The following HDDC2 variants were observed in gnomAD, a reference collection of about 807,000 sequenced individuals.
HDDC2 encodes the protein 5'-deoxynucleotidase HDDC2.
A neutral mutation model predicts 25.5 loss-of-function variants in HDDC2; 25 were observed. The observed-to-expected ratio is 0.98, with a 90% CI of 0.72 to 1.37. The LOEUF is 1.37. HDDC2 is among the 40% of genes most tolerant of loss of function. The pLI is 0.00. For synonymous variants in HDDC2, 106 were observed against 89.7 expected, an observed-to-expected ratio of 1.18 and a Z score of -1.03; for missense variants, 264 against 253.1, an observed-to-expected ratio of 1.04 and a Z score of -0.29.
At chr6:125,284,508 T>G (rs1302005071) in intron 4 of HDDC2, among the ~76,000 whole-genome samples, 1 of 152,108 alleles carries the variant, frequency 6.6e-6, no homozygotes, top group Non-Finnish European at 1.5e-5. Flanking sequence ...GCAAAGGATA[T>G]GAACAGACAC....
chr6:125,301,950 C>G lies in HDDC2; in HGVS notation c.-18G>C. On this transcript the variant is annotated 5_prime_UTR_variant, in exon 1 of 6. Coordinates refer to ENST00000398153, the MANE Select transcript of HDDC2 (RefSeq NM_016063.3). ...GAAGCCATGCGGCCACCGACCCCGG[C>G]TGGGCGGAGCAGGCCGCGGCGAAGC... The G allele has an allele frequency of 6.5e-7, 1 of 1,543,392 alleles. No homozygotes were observed. Among genetic ancestry groups the G allele is most frequent in the Non-Finnish European group, 8.7e-7 (1 of 1,145,940 alleles).
chr6:125,283,980 G>A (rs1271874087), intron 4 of HDDC2, among the ~76,000 whole-genome samples: 1 of 152,010 alleles, frequency 6.6e-6, no homozygotes, highest in Non-Finnish European at 1.5e-5. Context: ...ATAGACCAAT[G>A]GAAGAGAACA....
chr6:125,290,256 T>C (rs9482639), intron 4 of HDDC2, among the ~76,000 whole-genome samples: 32,838 of 152,090 alleles, frequency 0.22, 4,302 homozygotes, highest in African/African-American at 0.37. Context: ...CATTGCTTTA[T>C]GTATATTAAT....
rs377395853 is a variant in HDDC2, at chr6:125,292,916, T to C, written c.310-7A>G. ...TTATCTGCTTCATAGCTTCCTGAAATATTAAACCATTATCTTTAATTATAT... is the reference window on the plus strand; with the variant it reads ...TTATCTGCTTCATAGCTTCCTGAAACATTAAACCATTATCTTTAATTATAT... On this transcript the variant is annotated splice_region_variant and splice_polypyrimidine_tract_variant and intron_variant, in intron 3 of 5. Transcript: ENST00000398153. 18 of 1,599,162 alleles carry C rather than the reference T, an allele frequency of 1.1e-5. No homozygotes were observed. In the African/African-American group the frequency reaches 1.7e-4, roughly 15 times the overall value.
At position 125,300,610 on chromosome 6, in the gene HDDC2, C is replaced by T. The variant is rs748982604; in HGVS notation, c.134G>A (p.Ser45Asn). Residue 45 changes from serine to asparagine, a missense_variant, in exon 2 of 6, where the codon AGC becomes AAC. Transcript: ENST00000398153. ...CATCCGGTACATGTGATCTGAAACG[C>T]TCTCCGGCCTCTGGACATTTCTGTA... ...WVYRNVQRPE[S>N]VSDHMYRMAV... 6.2e-7 allele frequency: 1 copy of T among 1,614,192 alleles called. No individual in the cohort carries two copies. Among genetic ancestry groups the T allele is most frequent in the South Asian group, 1.1e-5 (1 of 91,082 alleles).
intron 4 of HDDC2, among the ~76,000 whole-genome samples, chr6:125,284,743 G>C (rs1025186557): frequency 6.6e-6 from 1 of 152,184 alleles, no homozygotes; most frequent in Non-Finnish European, 1.5e-5. Context: ...AACCACTGTG[G>C]AAGACAATGT....
In HDDC2 at chr6:125,276,003, T is replaced by C; in HGVS notation, c.*143A>G. ...GGCTTCTTTTAGTGCCCAAGTTGTA[T>C]CACATTTCTTGCTGAAGTTCAGACA... On this transcript the variant is annotated 3_prime_UTR_variant, in exon 6 of 6. Coordinates refer to ENST00000398153, the MANE Select transcript of HDDC2 (RefSeq NM_016063.3). The C allele has an allele frequency of 1.5e-6, 1 of 656,252 alleles. No individual in the cohort carries two copies. The highest frequency in any genetic ancestry group is 2.7e-6 in the Non-Finnish European group (1 of 373,900). The allele number at this position is 656,252 out of a possible 1,614,324, so 40.7% of individuals were successfully genotyped here.
At chr6:125,301,756 C>T (rs1175599699) in intron 1 of HDDC2, 93 bp downstream of exon 1, 9 of 936,490 alleles carry the variant, frequency 9.6e-6, no homozygotes, top group South Asian at 8.0e-5. Flanking sequence ...GCAGGAAGGG[C>T]AAAGACCGCC....
rs568403610 is a variant in HDDC2, at chr6:125,277,526, T to C, written c.379-286A>G. On this transcript the variant is annotated intron_variant, in intron 4 of 5. Transcript: ENST00000398153. ...GTACTTTCAAGATCTTTTCTTCCTG[T>C]TTAATACCGTGTCTTCATTTTAAGA... The C allele has an allele frequency of 1.3e-5, 4 of 316,048 alleles. No individual in the cohort carries two copies. In the East Asian group the frequency reaches 2.2e-4, roughly 17 times the overall value. 19.6% of individuals were successfully genotyped at this position (316,048 alleles called of 1,614,324 possible).
intron 4 of HDDC2, among the ~76,000 whole-genome samples, chr6:125,284,890 T>C (rs564478502): frequency 2.6e-5 from 4 of 152,230 alleles, no homozygotes; most frequent in East Asian, 3.9e-4. Flanking sequence ...CACTATTCAC[T>C]ATAGCAAAGA....
intron 3 of HDDC2, 136 bp downstream of exon 3, chr6:125,298,578 C>G (rs895005535): frequency 3.0e-6 from 2 of 663,070 alleles, no homozygotes; most frequent in Admixed American, 2.4e-5. Context: ...CTTCCCCTGA[C>G]CTTCCCCTTC....
At position 125,276,219 on chromosome 6, in the gene HDDC2, A is replaced by G. The variant is rs372330390; in HGVS notation, c.542T>C (p.Val181Ala). Residue 181 changes from valine (V) to alanine (A), a missense_variant, in exon 6 of 6, where the codon GTC becomes GCC. Physicochemically the swap from Val to Ala is moderately conservative, Grantham distance 64 (BLOSUM62 0). Coordinates refer to ENST00000398153, the MANE Select transcript of HDDC2 (RefSeq NM_016063.3). ...TAGKFNHPEI[V>A]QLVSELEAER... ...TGCCTCAAGTTCAGAAACAAGCTGG[A>G]CTATCTCAGGGTGATTGAATTTTCC... 3.5e-5 allele frequency: 56 copies of G among 1,614,012 alleles called. No individual in the cohort carries two copies. The highest frequency in any genetic ancestry group is 4.5e-5 in the Non-Finnish European group (53 of 1,179,960).
rs570805133 is a variant in HDDC2 at position 125,283,329 on chromosome 6, G to A, written c.379-6089C>T. Among the ~76,000 whole-genome samples the A allele has an allele frequency of 3.9e-5, 6 of 152,296 alleles. No individual in the cohort carries two copies. In the South Asian group the frequency reaches 1.2e-3, roughly 32 times the overall value. On this transcript the variant is annotated intron_variant, in intron 4 of 5. Transcript: ENST00000398153. ...AGTTCTGGCCAGGGCAATCAGGCAA[G>A]AGAAAGAAATAAAGAGTATTCAAAT...
chr6:125,285,186 G>A (rs987406596), intron 4 of HDDC2, among the ~76,000 whole-genome samples: 7 of 151,526 alleles, frequency 4.6e-5, no homozygotes, highest in African/African-American at 1.7e-4. Flanking sequence ...CAAGGGGAGG[G>A]ATAGCATTAG....
Position 125,298,823 on chromosome 6 carries a change from A to G in HDDC2, c.207-7T>C. 1 of 1,601,922 alleles carries G rather than the reference A, an allele frequency of 6.2e-7. No individual in the cohort carries two copies. The highest frequency in any genetic ancestry group is 8.6e-7 in the Non-Finnish European group (1 of 1,169,138). On this transcript the variant is annotated splice_polypyrimidine_tract_variant and splice_region_variant and intron_variant, in intron 2 of 5. Transcript: ENST00000398153. ...CAGGGCTAGGCGTACACATCTGATC[A>G]GGCAAGAAATGTCGAATAATTACAC... is the stretch of plus-strand genomic sequence containing the variant.
chr6:125,290,612 A>G (rs6928347), intron 4 of HDDC2, among the ~76,000 whole-genome samples: 68,080 of 151,944 alleles, frequency 0.45, 20,115 homozygotes, highest in African/African-American at 0.84. Flanking sequence ...TTCAATAGAG[A>G]GAAATTTGGA....
chr6:125,277,250 G>C lies in HDDC2; in HGVS notation c.379-10C>G. 2 of 1,613,644 alleles carry C rather than the reference G, an allele frequency of 1.2e-6. No homozygotes were observed. The highest frequency in any genetic ancestry group is 1.7e-6 in the Non-Finnish European group (2 of 1,179,756). On this transcript the variant is annotated splice_polypyrimidine_tract_variant and intron_variant, in intron 4 of 5. Transcript: ENST00000398153. ...ATTGGGTCTCGTACTCCTAAGTAAA[G>C]GGACAATTAAAGCAGCATGATTAGC...
In HDDC2 at chr6:125,298,700, T is replaced by C. The variant is rs745343485; in HGVS notation, c.309+14A>G. 9.4e-6 allele frequency: 15 copies of C among 1,600,422 alleles called. No homozygotes were observed. Among genetic ancestry groups the C allele is most frequent in the Non-Finnish European group, 1.2e-5 (14 of 1,167,452 alleles). On this transcript the variant is annotated intron_variant, in intron 3 of 5. Transcript: ENST00000398153. ...TTCTGGTGGTTTTTTGCACAGTCAA[T>C]AGTCAACACTGACCTCTTCTCGCCT...
intron 4 of HDDC2, among the ~76,000 whole-genome samples, chr6:125,287,798 G>C (rs1262627517): frequency 2.0e-5 from 3 of 152,230 alleles, no homozygotes; most frequent in Non-Finnish European, 4.4e-5. Flanking sequence ...AAGGCTCAGA[G>C]AAAACCAGGA....
Sources: allele counts gnomAD v4.1 joint callset (sites outside exome capture counted in the v4.1 genomes callset), GRCh38; gene constraint gnomAD v4.1.1; transcripts MANE v1.5; gene names NCBI Gene and HGNC (gene_info 2026-07-23, HGNC 2026-07-21).